AP3D1: variants seen among roughly 807,000 people sequenced by gnomAD.
The protein encoded by AP3D1 is AP-3 complex subunit delta-1.
A neutral mutation model predicts 147.6 loss-of-function variants in AP3D1; 51 were observed. That is an observed-to-expected ratio of 0.35 (90% confidence interval 0.28 to 0.44). The LOEUF is 0.44. Ranked by LOEUF, AP3D1 falls within the 20% of genes least tolerant of loss-of-function variation. The probability of loss-of-function intolerance (pLI) is 1.00; values close to 1 mark genes in which losing one functional copy is unlikely to be tolerated. For missense variants in AP3D1, 1,421 were observed against 1,624.2 expected (o/e 0.87, Z 2.15); for synonymous variants, 760 against 663.0 (o/e 1.15, Z -2.25).
At chr19:2,142,498 A>G (rs947724223) in intron 1 of AP3D1, among the ~76,000 whole-genome samples, 14 of 152,176 alleles carry the variant, frequency 9.2e-5, no homozygotes, top group Admixed American at 2.0e-4. Context: ...TTCGCCTCCA[A>G]TGAATTAAGT....
chr19:2,113,229 T>C, intron 23 of AP3D1, 107 bp downstream of exon 23: 1 of 683,884 alleles, frequency 1.5e-6, no homozygotes. Context: ...TGCACGGTGC[T>C]GACCGCGAGA....
intron 31 of AP3D1, among the ~76,000 whole-genome samples, chr19:2,104,288 C>T (rs986914178): frequency 7.3e-6 from 1 of 136,626 alleles, no homozygotes; most frequent in Non-Finnish European, 1.7e-5. Flanking sequence ...ACACCCAGAC[C>T]CCAACGCCAA....
intron 17 of AP3D1, 83 bp downstream of exon 17, chr19:2,116,522 A>G (rs1209376577): frequency 2.1e-6 from 3 of 1,451,966 alleles, no homozygotes; most frequent in East Asian, 4.9e-5. Context: ...GCCAGGACCC[A>G]CAGAGGCCGC....
chr19:2,122,489 G>A (rs933576582), intron 11 of AP3D1, among the ~76,000 whole-genome samples: 2 of 152,232 alleles, frequency 1.3e-5, no homozygotes, highest in Non-Finnish European at 2.9e-5. Context: ...CCACCTACCC[G>A]TGGGGGATGG....
In AP3D1 at chr19:2,117,206, A is replaced by AC; in HGVS notation, c.1859+15dup. The AC allele has an allele frequency of 1.3e-6, 2 of 1,577,554 alleles. No individual in the cohort carries two copies. Among genetic ancestry groups the AC allele is most frequent in the African/African-American group, 1.4e-5 (1 of 73,496 alleles). ...TCAGGGCCATGGTTGCAATGCCCCC[A>AC]CCCCCGTATCCTTACCCTTCGGGGA... On this transcript the variant is annotated intron_variant, in intron 16 of 31. Coordinates refer to ENST00000643116, the MANE Select transcript of AP3D1 (RefSeq NM_001261826.3).
chr19:2,115,303 G>A lies in AP3D1; in HGVS notation c.2265C>T (p.Arg755=). ...KRKEKEKKGK[R]RHSSLPTESD... is the part of the protein sequence containing the mutation. The stretch of plus-strand genomic sequence containing the variant: ...TCTCCGTGGGCAGCGAGCTGTGGCG[G>A]CGCTTGCCCTTCTTCTCCTTCTCCT... Residue 755 remains arginine (R), a synonymous_variant, in exon 20 of 32, where the codon CGC becomes CGT. Coordinates refer to ENST00000643116, the MANE Select transcript of AP3D1 (RefSeq NM_001261826.3). The A allele has an allele frequency of 1.2e-6, 2 of 1,612,820 alleles. No homozygotes were observed. Among genetic ancestry groups the A allele is most frequent in the Non-Finnish European group, 1.7e-6 (2 of 1,179,982 alleles).
intron 8 of AP3D1, among the ~76,000 whole-genome samples, chr19:2,128,352 G>C (rs1168911715): frequency 6.6e-6 from 1 of 152,094 alleles, no homozygotes; most frequent in Non-Finnish European, 1.5e-5. Flanking sequence ...GCCACTACAG[G>C]CTTCCAGTCT....
At chr19:2,123,232 G>A in intron 11 of AP3D1, 126 bp downstream of exon 11, 2 of 971,822 alleles carry the variant, frequency 2.1e-6, no homozygotes, top group Non-Finnish European at 3.2e-6. Context: ...GAGGCAGAGT[G>A]CCATCCATCA....
At chr19:2,126,487 CTACTAAAAA>C (rs1192616772) in intron 9 of AP3D1, among the ~76,000 whole-genome samples, 2 of 151,890 alleles carry the variant, frequency 1.3e-5, no homozygotes, top group Non-Finnish European at 2.9e-5. Flanking sequence ...AACCCCGTGT[CTACTAAAAA>C]TACAAAAATT....
chr19:2,109,637 GAC>G, intron 29 of AP3D1: 1 of 551,940 alleles, frequency 1.8e-6, no homozygotes, highest in Non-Finnish European at 3.3e-6. Context: ...CAGCCTTCAG[GAC>G]TTCCAGGGGC....
intron 1 of AP3D1, among the ~76,000 whole-genome samples, chr19:2,146,377 G>C (rs2019356101): frequency 6.6e-6 from 1 of 152,296 alleles, no homozygotes; most frequent in Admixed American, 6.5e-5. Context: ...GCCAAGGTGG[G>C]TGGGTTACTT....
intron 12 of AP3D1, among the ~76,000 whole-genome samples, chr19:2,121,512 G>A (rs961209014): frequency 2.0e-5 from 3 of 152,172 alleles, no homozygotes; most frequent in African/African-American, 7.2e-5. Flanking sequence ...GCAACAACTG[G>A]CCCAGCACAG....
chr19:2,129,593 T>C, intron 6 of AP3D1, 136 bp from the exon 7 acceptor site: 2 of 1,090,692 alleles, frequency 1.8e-6, no homozygotes, highest in Non-Finnish European at 1.3e-6. Flanking sequence ...TGCCACCTCC[T>C]CCTGGTGACA....
intron 2 of AP3D1, 131 bp from the exon 3 acceptor site, chr19:2,137,938 A>G: frequency 1.5e-6 from 1 of 673,558 alleles, no homozygotes; most frequent in Non-Finnish European, 2.6e-6. Context: ...CAAACCACCC[A>G]ATACGTACCC....
chr19:2,130,206 T>C (rs137912933), intron 6 of AP3D1, among the ~76,000 whole-genome samples: 9 of 152,164 alleles, frequency 5.9e-5, no homozygotes, highest in East Asian at 1.9e-4. Context: ...AGCTGCCACA[T>C]TGGATCTTAC....
At chr19:2,143,923 G>A (rs982880174) in intron 1 of AP3D1, among the ~76,000 whole-genome samples, 1 of 151,818 alleles carries the variant, frequency 6.6e-6, no homozygotes, top group Non-Finnish European at 1.5e-5. Context: ...CCCCATCTCC[G>A]CTAAAAATAC....
At chr19:2,116,430 G>A (rs2018451160) in intron 17 of AP3D1, 152 bp from the exon 18 acceptor site, 1 of 1,218,036 alleles carries the variant, frequency 8.2e-7, no homozygotes, top group East Asian at 2.6e-5. Flanking sequence ...GCCCGCAATT[G>A]GGAAGAGCAC....
chr19:2,129,797 G>C (rs774228533), intron 6 of AP3D1, among the ~76,000 whole-genome samples: 1 of 152,208 alleles, frequency 6.6e-6, no homozygotes, highest in Non-Finnish European at 1.5e-5. Context: ...CCCAGCCATC[G>C]GGGCTCAGGG....
rs773585977 is a variant in AP3D1, at chr19:2,118,675, G to A, written c.1639C>T (p.Gln547Ter). Residue 547 changes from glutamine to a stop codon, truncating the protein, a stop_gained, in exon 15 of 32, where the codon CAG (glutamine) becomes TAG (stop). Coordinates refer to ENST00000643116, the MANE Select transcript of AP3D1 (RefSeq NM_001261826.3). LOFTEE classifies it high-confidence loss of function. Reference sequence around the variant, plus strand: ...TCCACCATGAGCTGGGTGACGGCCTGAGCGCCCTCTGCCTCCCCGGCCTGC... The same window carrying A: ...TCCACCATGAGCTGGGTGACGGCCTAAGCGCCCTCTGCCTCCCCGGCCTGC... ...KEQAGEAEGA[Q>*]AVTQLMVDRL... 6.2e-7 allele frequency: 1 copy of A among 1,613,200 alleles called. No individual in the cohort carries two copies. The highest frequency in any genetic ancestry group is 8.5e-7 in the Non-Finnish European group (1 of 1,180,038).
Sources: allele counts gnomAD v4.1 joint callset (sites outside exome capture counted in the v4.1 genomes callset), GRCh38; gene constraint gnomAD v4.1.1; transcripts MANE v1.5; gene names NCBI Gene and HGNC (gene_info 2026-07-23, HGNC 2026-07-21).